CDC20B: variants seen among roughly 807,000 people sequenced by gnomAD.
CDC20B encodes the protein cell division cycle 20B, also known as cell division cycle protein 20 homolog B.
In CDC20B, 58 loss-of-function variants were observed where a neutral mutation model predicts 64.1. The observed-to-expected ratio is 0.90, with a 90% confidence interval of 0.73 to 1.13. The LOEUF (loss-of-function observed/expected upper bound fraction) is 1.13. Ranked by LOEUF, CDC20B falls within the 50% of genes most tolerant of loss-of-function variation. The pLI, the probability that CDC20B is intolerant of heterozygous loss-of-function variation, is 0.00. For synonymous variants in CDC20B, 243 were observed against 230.6 expected (o/e 1.05, Z -0.49); for missense variants, 597 against 633.0 (o/e 0.94, Z 0.61).
chr5:55,167,906 C>A (rs1744467839), intron 2 of CDC20B, among the ~76,000 whole-genome samples: 1 of 152,060 alleles, frequency 6.6e-6, no homozygotes, highest in Non-Finnish European at 1.5e-5. Flanking sequence ...GTAGCACACA[C>A]CTGTGGTTCC....
chr5:55,122,334 A>C (rs1742778253), intron 9 of CDC20B, among the ~76,000 whole-genome samples: 1 of 151,260 alleles, frequency 6.6e-6, no homozygotes, highest in South Asian at 2.1e-4. Context: ...CAGTGCTACC[A>C]CAAAGGGTCA....
rs541290641 is a variant in CDC20B at position 55,124,662 on chromosome 5, G to T, written c.1215+141C>A. 3.4e-3 allele frequency: 2,455 copies of T among 726,268 alleles called. 7 individuals are homozygous for T. Among genetic ancestry groups the T allele is most frequent in the Admixed American group, 4.9e-3 (166 of 34,114 alleles). 45.0% of individuals were successfully genotyped at this position (726,268 alleles called of 1,614,324 possible). A position where few individuals can be genotyped will look rare whatever the true frequency, so the allele number is the denominator to read the frequency against. On this transcript the variant is annotated intron_variant, in intron 9 of 11. Coordinates refer to ENST00000381375, the MANE Select transcript of CDC20B (RefSeq NM_001170402.1). ...AAGTATAAATAGGGTTGTCTTTCAG[G>T]AGAGTGATGACAAACTCCAAAGCAA...
chr5:55,132,770 C>T (rs184317508), intron 6 of CDC20B, among the ~76,000 whole-genome samples: 55 of 152,290 alleles, frequency 3.6e-4, no homozygotes, highest in Admixed American at 3.4e-3. Context: ...ATTCACCAGT[C>T]CCCAATGTAT....
intron 3 of CDC20B, 73 bp downstream of exon 3, chr5:55,146,555 G>A: frequency 9.2e-7 from 1 of 1,087,486 alleles, no homozygotes; most frequent in East Asian, 2.4e-5. Context: ...AGTTCTACAA[G>A]ACAAAGATTC....
rs948056302 is a variant in CDC20B at position 55,124,838 on chromosome 5, G to A, written c.1180C>T (p.Pro394Ser). The A allele has an allele frequency of 1.2e-6, 2 of 1,614,174 alleles. No individual in the cohort carries two copies. Among genetic ancestry groups the A allele is most frequent in the African/African-American group, 1.3e-5 (1 of 75,046 alleles). The part of the protein sequence containing the change: ...HDPGASAQGQ[P>S]LKVITQSTAV... ...GTAGACTGGGTTATGACTTTCAGCG[G>A]TTGGCCCTGTGCACTGGCACCTGGA... Residue 394 changes from proline to serine, a missense_variant, in exon 9 of 12, where the codon CCG becomes TCG. This residue lies in a region of CDC20B where 353 missense variants were observed against 397.0 expected (regional missense o/e 0.89). Coordinates refer to ENST00000381375, the MANE Select transcript of CDC20B (RefSeq NM_001170402.1).
At chr5:55,132,542 T>G (rs1250812517) in intron 6 of CDC20B, among the ~76,000 whole-genome samples, 2 of 152,228 alleles carry the variant, frequency 1.3e-5, no homozygotes, top group Admixed American at 6.5e-5. Flanking sequence ...TTCTTTCTCC[T>G]GCTTCAAAAA....
chr5:55,126,218 T>A (rs926853906), intron 8 of CDC20B: 8 of 152,598 alleles, frequency 5.2e-5, no homozygotes, highest in African/African-American at 1.7e-4. Context: ...GTCTTTGGGA[T>A]GGCCAGGCGC....
At chr5:55,136,223 G>A (rs1580347010) in intron 5 of CDC20B, among the ~76,000 whole-genome samples, 1 of 150,672 alleles carries the variant, frequency 6.6e-6, no homozygotes, top group African/African-American at 2.4e-5. Context: ...TGGGATTATA[G>A]GCGTGAACCA....
At position 55,162,825 on chromosome 5, in the gene CDC20B, G is replaced by T. The variant is rs546166068; in HGVS notation, c.126+9763C>A. Among the ~76,000 whole-genome samples the T allele has an allele frequency of 1.6e-4, 24 of 152,344 alleles. No individual in the cohort carries two copies. The South Asian group carries it at 4.8e-3, about 30-fold the overall frequency. On this transcript the variant is annotated intron_variant, in intron 2 of 11. Coordinates refer to ENST00000381375, the MANE Select transcript of CDC20B (RefSeq NM_001170402.1). ...CCTTCTAAAACCCTTCTTAGCCTGT[G>T]TAATCAAAAAGGTAACAGTGAGTTA...
intron 2 of CDC20B, chr5:55,160,601 A>G (rs1280920203): frequency 1.8e-6 from 1 of 551,566 alleles, no homozygotes; most frequent in African/African-American, 1.9e-5. Flanking sequence ...TTTCTTTAAA[A>G]TGCTTTAATT....
chr5:55,120,806 T>G (rs1002090593), intron 9 of CDC20B, among the ~76,000 whole-genome samples: 3 of 152,178 alleles, frequency 2.0e-5, no homozygotes, highest in Non-Finnish European at 4.4e-5. Flanking sequence ...TTGTGGATTT[T>G]TTAACATAGA....
chr5:55,155,336 C>G (rs1335555790), intron 2 of CDC20B, among the ~76,000 whole-genome samples: 1 of 152,168 alleles, frequency 6.6e-6, no homozygotes, highest in African/African-American at 2.4e-5. Flanking sequence ...ATTTGACACA[C>G]AAATATCCAG....
At chr5:55,135,757 T>TA (rs1743146330) in intron 5 of CDC20B, 1 of 53,704 alleles carries the variant, frequency 1.9e-5, no homozygotes, top group Non-Finnish European at 3.8e-5. Flanking sequence ...TTTTTTGTGA[T>TA]TTTTTTTTTT....
chr5:55,130,396 A>T (rs980618625), intron 6 of CDC20B, among the ~76,000 whole-genome samples: 1 of 152,202 alleles, frequency 6.6e-6, no homozygotes, highest in Non-Finnish European at 1.5e-5. Flanking sequence ...AATATCCAAA[A>T]ATCTAACATA....
intron 2 of CDC20B, among the ~76,000 whole-genome samples, chr5:55,151,540 G>C (rs1407483878): frequency 6.6e-6 from 1 of 152,206 alleles, no homozygotes; most frequent in Non-Finnish European, 1.5e-5. Context: ...TTAAAATTCT[G>C]GGTTTAAAAG....
At chr5:55,151,076 T>C (rs2111900982) in intron 2 of CDC20B, among the ~76,000 whole-genome samples, 1 of 152,254 alleles carries the variant, frequency 6.6e-6, no homozygotes, top group Admixed American at 6.5e-5. Flanking sequence ...ACTTTTTTAT[T>C]TCTCTCCGCT....
chr5:55,158,908 G>A (rs1415395852), intron 2 of CDC20B, among the ~76,000 whole-genome samples: 1 of 152,200 alleles, frequency 6.6e-6, no homozygotes, highest in African/African-American at 2.4e-5. Context: ...TGCCCAAGTA[G>A]AGGTGGGTTT....
At chr5:55,135,821 C>A (rs1443118246) in intron 5 of CDC20B, 1 of 148,600 alleles carries the variant, frequency 6.7e-6, no homozygotes, top group Admixed American at 6.7e-5. Context: ...CTATATGTGG[C>A]CCAAAACAAT....
Position 55,172,955 on chromosome 5 carries a change from C to T in CDC20B, c.46G>A (p.Glu16Lys). ...ERTAPRRVRTEEEMLWESIMR... is the reference protein window; with the variant it reads ...ERTAPRRVRTKEEMLWESIMR... ...TTACTCACCCACAGCATCTCCTCTT[C>T]CGTGCGGACCCTCCGAGGCGCGGTG... Residue 16 changes from glutamate to lysine, a missense_variant, in exon 1 of 12, where the codon GAA becomes AAA. Coordinates refer to ENST00000381375, the MANE Select transcript of CDC20B (RefSeq NM_001170402.1). The T allele has an allele frequency of 6.2e-7, 1 of 1,611,310 alleles. No individual in the cohort carries two copies. Among genetic ancestry groups the T allele is most frequent in the Non-Finnish European group, 8.5e-7 (1 of 1,178,946 alleles).
Sources: allele counts gnomAD v4.1 joint callset (sites outside exome capture counted in the v4.1 genomes callset), GRCh38; gene constraint gnomAD v4.1.1; regional missense constraint gnomAD v4.1.1; transcripts MANE v1.5; gene names NCBI Gene and HGNC (gene_info 2026-07-23, HGNC 2026-07-21).